ZNF780B: variants seen among roughly 807,000 people sequenced by gnomAD.
ZNF780B encodes the protein zinc finger protein 779.
Under a neutral mutation model 74.1 loss-of-function variants are expected in ZNF780B, and 52 were observed. That is an observed-to-expected ratio of 0.70 (90% CI 0.56 to 0.88). The LOEUF (loss-of-function observed/expected upper bound fraction) is 0.88, where lower values mean the gene tolerates loss of function less well. Ranked by LOEUF, ZNF780B falls within the 40% of genes least tolerant of loss-of-function variation. The pLI, the probability that ZNF780B is intolerant of heterozygous loss-of-function variation, is 0.00. For synonymous variants in ZNF780B, 315 were observed against 324.3 expected (o/e 0.97, Z 0.31); for missense variants, 953 against 1,007.6 (o/e 0.95, Z 0.73).
chr19:40,049,000 G>A (rs921010729), intron 2 of ZNF780B: 3 of 688,868 alleles, frequency 4.4e-6, no homozygotes, highest in Non-Finnish European at 7.0e-6. Flanking sequence ...AAGGTGGAAG[G>A]ACTGCTTGAG....
intron 1 of ZNF780B, among the ~76,000 whole-genome samples, chr19:40,051,388 G>C (rs1006655982): frequency 2.0e-5 from 3 of 151,946 alleles, no homozygotes; most frequent in Admixed American, 6.5e-5. Flanking sequence ...GACAAAAAAA[G>C]GAAACTCTAC....
chr19:40,047,458 G>C lies in ZNF780B; in HGVS notation c.149C>G (p.Ser50Cys), dbSNP rs748099018. ...SHLISLGSSI[S>C]KPDVITLLEQ... Reference sequence around the variant, plus strand: ...TAGTAATGTAATCACATCTGGCTTAGAAATGGAACTTCCTGCTTAAAAGAA... The same window carrying C: ...TAGTAATGTAATCACATCTGGCTTACAAATGGAACTTCCTGCTTAAAAGAA... Residue 50 changes from serine to cysteine, a missense_variant, in exon 4 of 5, where the codon TCT (serine) becomes TGT (cysteine). Ser to Cys is a moderately radical substitution (Grantham distance 112, BLOSUM62 -1). Coordinates refer to ENST00000434248, the MANE Select transcript of ZNF780B (RefSeq NM_001005851.3). The C allele has an allele frequency of 1.4e-5, 22 of 1,610,282 alleles. No homozygotes were observed. Among genetic ancestry groups the C allele is most frequent in the Non-Finnish European group, 1.9e-5 (22 of 1,178,200 alleles).
chr19:40,038,383 A>G (rs1599770404), intron 4 of ZNF780B, among the ~76,000 whole-genome samples: 1 of 152,130 alleles, frequency 6.6e-6, no homozygotes, highest in Admixed American at 6.5e-5. Context: ...ATACGTGTGC[A>G]TGTGTCTTTA....
chr19:40,044,328 A>G (rs1381841775), intron 4 of ZNF780B, among the ~76,000 whole-genome samples: 1 of 152,244 alleles, frequency 6.6e-6, no homozygotes, highest in Admixed American at 6.5e-5. Context: ...TCTCCATGGC[A>G]TATTATGGTC....
chr19:40,029,485 A>T lies in ZNF780B; in HGVS notation c.*4872T>A, dbSNP rs145029681. On this transcript the variant is annotated 3_prime_UTR_variant, in exon 5 of 5. Coordinates refer to ENST00000434248, the MANE Select transcript of ZNF780B (RefSeq NM_001005851.3). ...CCATACATAAAACATAATTCAATAAAATACCAAATGCAAACAAGAGCAGAT... is the reference window on the plus strand; with the variant it reads ...CCATACATAAAACATAATTCAATAATATACCAAATGCAAACAAGAGCAGAT... 2.4e-3 allele frequency: 367 copies of T among 154,966 alleles called. 2 individuals are homozygous for T. Among genetic ancestry groups the T allele is most frequent in the Non-Finnish European group, 3.7e-3 (251 of 68,220 alleles). The allele number at this position is 154,966 out of a possible 1,614,324, so 9.6% of individuals were successfully genotyped here. A position where few individuals can be genotyped will look rare whatever the true frequency, so the allele number is the denominator to read the frequency against.
Position 40,035,567 on chromosome 19 carries a change from T to A in ZNF780B, c.1292A>T (p.Asn431Ile), listed in dbSNP as rs768455884. The A allele has an allele frequency of 2.5e-6, 4 of 1,612,968 alleles. No homozygotes were observed. Among genetic ancestry groups the A allele is most frequent in the Non-Finnish European group, 3.4e-6 (4 of 1,179,766 alleles). The change falls in exon 5 of 5, where the codon AAT becomes ATT. Residue 431 changes from asparagine to isoleucine, a missense_variant. Asn to Ile is a moderately radical substitution (Grantham distance 149). Coordinates refer to ENST00000434248, the MANE Select transcript of ZNF780B (RefSeq NM_001005851.3). ...ECGKGFNRGA[N>I]LIQHQKIHSN... ...ATGAATTTTTTGATGCTGAATAAGA[T>A]TTGCACCACGATTAAAGCCTTTCCC...
At position 40,034,127 on chromosome 19, in the gene ZNF780B, C is replaced by T. The variant is rs1256845942; in HGVS notation, c.*230G>A. ...GGTTTCTCATCAGTATGAATTTTAA[C>T]ATGTTTAACAGGTTTGAACTATGAC... is the stretch of plus-strand genomic sequence containing the variant. On this transcript the variant is annotated 3_prime_UTR_variant, in exon 5 of 5. Coordinates refer to ENST00000434248, the MANE Select transcript of ZNF780B (RefSeq NM_001005851.3). 3.4e-6 allele frequency: 2 copies of T among 580,580 alleles called. No individual in the cohort carries two copies. The highest frequency in any genetic ancestry group is 6.3e-6 in the Non-Finnish European group (2 of 318,660). 36.0% of individuals were successfully genotyped at this position (580,580 alleles called of 1,614,324 possible).
intron 4 of ZNF780B, among the ~76,000 whole-genome samples, chr19:40,041,676 CT>C: frequency 6.6e-6 from 1 of 152,230 alleles, no homozygotes; most frequent in South Asian, 2.1e-4. Context: ...TTCTTTGTCT[CT>C]TTTGATCTTT....
intron 2 of ZNF780B, 31 bp from the exon 3 acceptor site, chr19:40,048,827 A>C (rs758900398): frequency 1.2e-6 from 2 of 1,611,648 alleles, no homozygotes; most frequent in South Asian, 1.1e-5. Flanking sequence ...ATTATGGTGA[A>C]ATTGAAGAAA....
At position 40,049,233 on chromosome 19, in the gene ZNF780B, C is replaced by CAA. The variant is rs35460563; in HGVS notation, c.10-439_10-438dup. Among the ~76,000 whole-genome samples, 18 of 35,132 alleles carry CAA rather than the reference C, an allele frequency of 5.1e-4. 1 individual carries two copies. Among genetic ancestry groups the CAA allele is most frequent in the Admixed American group, 8.0e-4 (2 of 2,492 alleles). 23.0% of individuals were successfully genotyped at this position (35,132 alleles called of 152,430 possible). ...TGGGCTACAGAGTGAGACCCTATCTCAAAAAAAAAAAAAAAAAAAAAAAAA... is the reference window on the plus strand; with the variant it reads ...TGGGCTACAGAGTGAGACCCTATCTCAAAAAAAAAAAAAAAAAAAAAAAAAAA... On this transcript the variant is annotated intron_variant, in intron 2 of 4. Coordinates refer to ENST00000434248, the MANE Select transcript of ZNF780B (RefSeq NM_001005851.3).
intron 4 of ZNF780B, among the ~76,000 whole-genome samples, chr19:40,043,448 T>G (rs1033062001): frequency 6.6e-6 from 1 of 152,242 alleles, no homozygotes; most frequent in Non-Finnish European, 1.5e-5. Context: ...TTCAAAGCTG[T>G]CAGACAGGGA....
chr19:40,041,352 TG>T (rs1382762028), intron 4 of ZNF780B, among the ~76,000 whole-genome samples: 1 of 152,124 alleles, frequency 6.6e-6, no homozygotes, highest in Non-Finnish European at 1.5e-5. Context: ...GGAATAGGTG[TG>T]GTGTGGTGCT....
chr19:40,055,681 G>T (rs1444680452), intron 1 of ZNF780B: 3 of 152,168 alleles, frequency 2.0e-5, no homozygotes, highest in African/African-American at 7.2e-5. Context: ...TCAACATGTA[G>T]CTGCCCTCCT....
rs772749442 is a variant in ZNF780B, at chr19:40,034,314, T to C, written c.*43A>G. Reference sequence around the variant, plus strand: ...TCTATAATGTCCATGAAATTGGTAATGATATTGAAAGGCCTTCCCACATTC... The same window carrying C: ...TCTATAATGTCCATGAAATTGGTAACGATATTGAAAGGCCTTCCCACATTC... On this transcript the variant is annotated 3_prime_UTR_variant, in exon 5 of 5. Coordinates refer to ENST00000434248, the MANE Select transcript of ZNF780B (RefSeq NM_001005851.3). The C allele has an allele frequency of 6.2e-6, 9 of 1,458,152 alleles. No individual in the cohort carries two copies. In the South Asian group the frequency reaches 8.9e-5, roughly 14 times the overall value. The allele number at this position is 1,458,152 out of a possible 1,614,324, so 90.3% of individuals were successfully genotyped here. A position where few individuals can be genotyped will look rare whatever the true frequency, so the allele number is the denominator to read the frequency against.
In ZNF780B at chr19:40,036,011, C is replaced by T. The variant is rs1972283411; in HGVS notation, c.848G>A (p.Gly283Glu). 2 of 1,614,028 alleles carry T rather than the reference C, an allele frequency of 1.2e-6. No individual in the cohort carries two copies. The highest frequency in any genetic ancestry group is 1.3e-5 in the African/African-American group (1 of 74,994). ...GVKPYQCKEC[G>E]KAFNRGSNLI... The stretch of plus-strand genomic sequence containing the variant: ...ATTTGAACCACGATTAAAGGCTTTC[C>T]CACACTCCTTACATTGATATGGTTT... The change falls in exon 5 of 5, where the codon GGG becomes GAG. Residue 283 changes from glycine (G) to glutamate (E), a missense_variant. Physicochemically the swap from Gly to Glu is moderately conservative, Grantham distance 98. Coordinates refer to ENST00000434248, the MANE Select transcript of ZNF780B (RefSeq NM_001005851.3).
chr19:40,048,387 C>A (rs1191558650), intron 3 of ZNF780B, among the ~76,000 whole-genome samples: 2 of 152,266 alleles, frequency 1.3e-5, no homozygotes, highest in East Asian at 3.9e-4. Context: ...TGAACAATAT[C>A]ATTCAACGAA....
At chr19:40,045,111 CAT>C (rs1972871974) in intron 4 of ZNF780B, among the ~76,000 whole-genome samples, 1 of 152,126 alleles carries the variant, frequency 6.6e-6, no homozygotes, top group African/African-American at 2.4e-5. Flanking sequence ...AGAAGGTCAT[CAT>C]ATAATGATAA....
intron 1 of ZNF780B, among the ~76,000 whole-genome samples, chr19:40,054,859 T>C (rs1973412322): frequency 1.3e-5 from 2 of 152,196 alleles, no homozygotes; most frequent in Admixed American, 1.3e-4. Context: ...CCTCTCACAG[T>C]TCACACAAAT....
chr19:40,034,995 A>C lies in ZNF780B; in HGVS notation c.1864T>G (p.Phe622Val). The C allele has an allele frequency of 6.2e-7, 1 of 1,614,092 alleles. No homozygotes were observed. Among genetic ancestry groups the C allele is most frequent in the Non-Finnish European group, 8.5e-7 (1 of 1,179,990 alleles). ...PFECKECGKA[F>V]SLHTQLNHHK... ...TGATTAAGCTGGGTGTGAAGACTGA[A>C]GGCCTTGCCACATTCCTTACATTCA... The change falls in exon 5 of 5, where the codon TTC (phenylalanine) becomes GTC (valine). Residue 622 changes from phenylalanine to valine, a missense_variant. Phe to Val is a conservative substitution (Grantham distance 50). Coordinates refer to ENST00000434248, the MANE Select transcript of ZNF780B (RefSeq NM_001005851.3).
Sources: gnomAD v4.1 joint callset for allele counts (sites outside exome capture counted in the v4.1 genomes callset) on GRCh38, gnomAD v4.1.1 for gene constraint, MANE v1.5 for transcripts, NCBI Gene and HGNC (gene_info 2026-07-23, HGNC 2026-07-21) for gene names.